ACTR3C: variants seen among roughly 807,000 people sequenced by gnomAD.
The protein encoded by ACTR3C is actin-related protein 3C.
In ACTR3C, 18 loss-of-function variants were observed where a neutral mutation model predicts 26.3. That is an observed-to-expected ratio of 0.68 (90% CI 0.47 to 1.01). ACTR3C has a LOEUF of 1.01. Among genes scored for constraint, ACTR3C ranks in the 50% least tolerant of loss-of-function variants. The pLI is 0.00. For missense variants in ACTR3C, 184 were observed against 250.7 expected (o/e 0.73, Z 1.80); for synonymous variants, 55 against 94.5 (o/e 0.58, Z 2.42).
chr7:150,293,096 A>G (rs1282162474), intron 3 of ACTR3C, among the ~76,000 whole-genome samples: 5 of 151,928 alleles, frequency 3.3e-5, no homozygotes, highest in Non-Finnish European at 4.4e-5. Context: ...CAAAGCCACA[A>G]TAATTGGCCA....
At chr7:150,256,536 A>AT (rs1833233475) in intron 6 of ACTR3C, among the ~76,000 whole-genome samples, 2 of 152,250 alleles carry the variant, frequency 1.3e-5, no homozygotes, top group Admixed American at 6.5e-5. Flanking sequence ...ATTGTCACTT[A>AT]TAAGTGGGTG....
At chr7:150,312,642 G>A (rs1367881462) in intron 1 of ACTR3C, among the ~76,000 whole-genome samples, 2 of 152,184 alleles carry the variant, frequency 1.3e-5, no homozygotes, top group South Asian at 2.1e-4. Context: ...CCTTAGACCC[G>A]AAACTTACTA....
the ACTR3C span, among the ~76,000 whole-genome samples, chr7:150,032,654 GAGAC>G: frequency 1.3e-5 from 2 of 151,472 alleles, no homozygotes; most frequent in East Asian, 2.0e-4. Context: ...GAGAGTTAGG[GAGAC>G]AGACAGAAAG....
the ACTR3C span, among the ~76,000 whole-genome samples, chr7:150,042,582 G>A: frequency 2.9e-4 from 43 of 146,332 alleles, no homozygotes; most frequent in African/African-American, 6.3e-4. Flanking sequence ...CTCGCGGGGG[G>A]TGCCTCCCCC....
chr7:149,962,983 T>C, the ACTR3C span, among the ~76,000 whole-genome samples: 3 of 152,190 alleles, frequency 2.0e-5, no homozygotes, highest in African/African-American at 7.2e-5. Flanking sequence ...AAAGTCTGGT[T>C]TGGGAGCTCT....
intron 1 of ACTR3C, among the ~76,000 whole-genome samples, chr7:150,307,022 A>T (rs997355019): frequency 6.6e-6 from 1 of 152,242 alleles, no homozygotes; most frequent in African/African-American, 2.4e-5. Context: ...GGTTTCATAT[A>T]TGTGTATTTC....
chr7:149,961,624 A>G, the ACTR3C span, among the ~76,000 whole-genome samples: 1 of 151,634 alleles, frequency 6.6e-6, no homozygotes, highest in African/African-American at 2.4e-5. Flanking sequence ...ATCAGAGGAA[A>G]TGTGGGCTCA....
chr7:149,957,865 C>A, the ACTR3C span, among the ~76,000 whole-genome samples: 1 of 152,092 alleles, frequency 6.6e-6, no homozygotes, highest in African/African-American at 2.4e-5. Context: ...TGAGTCTGGC[C>A]ACACCTGCTT....
At chr7:150,262,295 CA>C (rs1440446359) in intron 6 of ACTR3C, among the ~76,000 whole-genome samples, 1 of 152,066 alleles carries the variant, frequency 6.6e-6, no homozygotes, top group Non-Finnish European at 1.5e-5. Context: ...TGAAACTATG[CA>C]AATCAAAGTA....
the ACTR3C span, chr7:150,047,846 C>T: frequency 4.6e-6 from 7 of 1,508,884 alleles, no homozygotes; most frequent in Middle Eastern, 1.7e-4. Context: ...TCTGGTACAG[C>T]GAAGCCATCG....
the ACTR3C span, among the ~76,000 whole-genome samples, chr7:150,217,147 A>G: frequency 2.3e-4 from 34 of 146,230 alleles, no homozygotes; most frequent in African/African-American, 9.5e-4. Context: ...CGAGCCCCAC[A>G]CATGGATTAG....
the ACTR3C span, among the ~76,000 whole-genome samples, chr7:150,036,939 AGCCAGTGG>A: frequency 8.5e-5 from 8 of 94,070 alleles, no homozygotes; most frequent in African/African-American, 2.8e-4. Flanking sequence ...GGGTCCTAAG[AGCCAGTGG>A]GGGAACCAGG....
chr7:150,158,458 T>C, the ACTR3C span, among the ~76,000 whole-genome samples: 60 of 152,250 alleles, frequency 3.9e-4, no homozygotes, highest in African/African-American at 1.4e-3. Flanking sequence ...TAAGAATCCA[T>C]TGATAGATGA....
the ACTR3C span, among the ~76,000 whole-genome samples, chr7:150,068,447 G>A: frequency 2.0e-5 from 3 of 152,042 alleles, no homozygotes; most frequent in Admixed American, 2.0e-4. Flanking sequence ...TGACTTGCCT[G>A]TCAAATCAGA....
the ACTR3C span, among the ~76,000 whole-genome samples, chr7:150,110,496 G>GA: frequency 5.7e-3 from 596 of 104,612 alleles, 14 homozygotes; most frequent in Middle Eastern, 0.016. Flanking sequence ...ACTCTGGCTG[G>GA]AGGAGGTGGG....
At chr7:150,227,707 T>C in the ACTR3C span, among the ~76,000 whole-genome samples, 1 of 145,324 alleles carries the variant, frequency 6.9e-6, no homozygotes, top group Non-Finnish European at 1.5e-5. Flanking sequence ...TTTTGTTTTT[T>C]TTTTTTGGTA....
chr7:150,265,537 T>C (rs1361576194), intron 6 of ACTR3C, among the ~76,000 whole-genome samples: 1 of 151,896 alleles, frequency 6.6e-6, no homozygotes, highest in Non-Finnish European at 1.5e-5. Context: ...CTACTAAAAA[T>C]ACACAAATTA....
chr7:150,067,979 C>T, the ACTR3C span, among the ~76,000 whole-genome samples: 1 of 152,046 alleles, frequency 6.6e-6, no homozygotes, highest in Admixed American at 6.6e-5. Context: ...TTGTCAGAAT[C>T]TTCTGTTTAA....
chr7:150,174,452 G>A, the ACTR3C span, among the ~76,000 whole-genome samples: 1 of 140,866 alleles, frequency 7.1e-6, no homozygotes, highest in Admixed American at 6.7e-5. Flanking sequence ...ACAACACATG[G>A]GACTTCTGGG....
Sources: allele counts gnomAD v4.1 joint callset (sites outside exome capture counted in the v4.1 genomes callset), GRCh38; gene constraint gnomAD v4.1.1; transcripts MANE v1.5; gene names NCBI Gene and HGNC (gene_info 2026-07-23, HGNC 2026-07-21).